ZNF346: variants seen among roughly 807,000 people sequenced by gnomAD.
ZNF346 encodes double-stranded RNA-binding zinc finger protein JAZ.
In ZNF346, 23 loss-of-function variants were observed where a neutral mutation model predicts 33.7. The ratio of observed to expected loss-of-function variants is 0.68; its 90% confidence interval spans 0.49 to 0.97. ZNF346 has a LOEUF of 0.97. ZNF346 is among the 50% of genes least tolerant of loss of function. The pLI is 0.00. For missense variants in ZNF346, 340 were observed against 371.1 expected (o/e 0.92, Z 0.69); for synonymous variants, 134 against 142.4 (o/e 0.94, Z 0.42).
In ZNF346 at chr5:177,022,724, G is replaced by A. The variant is rs1349236956; in HGVS notation, c.-15G>A. ...CGCCTGAGAGGCTCTCTACCGGTGA[G>A]GGTTTGCGGGGAAGATGGAGTATCC... On this transcript the variant is annotated 5_prime_UTR_variant, in exon 1 of 7. Coordinates refer to ENST00000358149, the MANE Select transcript of ZNF346 (RefSeq NM_012279.4). The A allele has an allele frequency of 5.2e-6, 8 of 1,543,690 alleles. No homozygotes were observed. The highest frequency in any genetic ancestry group is 5.1e-5 in the East Asian group (2 of 39,510).
chr5:177,044,897 T>G (rs763778107), intron 4 of ZNF346, among the ~76,000 whole-genome samples: 2 of 152,208 alleles, frequency 1.3e-5, no homozygotes, highest in Non-Finnish European at 2.9e-5. Flanking sequence ...TATTACTGCA[T>G]GTTCCAAGTT....
chr5:177,039,821 C>T (rs1437437268), intron 1 of ZNF346, among the ~76,000 whole-genome samples: 1 of 152,146 alleles, frequency 6.6e-6, no homozygotes, highest in East Asian at 1.9e-4. Flanking sequence ...AAATGTGGGC[C>T]TGCCCTCCTC....
At chr5:177,042,041 G>A in intron 3 of ZNF346, 171 bp downstream of exon 3, 1 of 513,474 alleles carries the variant, frequency 1.9e-6, no homozygotes, top group South Asian at 3.6e-5. Context: ...AAATGAGGAT[G>A]GTAATATCAA....
Position 177,022,774 on chromosome 5 carries a change from G to C in ZNF346, c.36G>C (p.Ala12=), listed in dbSNP as rs146045012. 3 of 1,554,896 alleles carry C rather than the reference G, an allele frequency of 1.9e-6. No individual in the cohort carries two copies. In the African/African-American group the frequency reaches 4.1e-5, roughly 21 times the overall value. ...EYPAPATVQA[A]DGGAAGPYSS... ...CCGCGCCGGCCACGGTGCAGGCCGC[G>C]GACGGCGGAGCGGCCGGGCCTTACA... is the stretch of plus-strand genomic sequence containing the variant. Residue 12 remains alanine, a synonymous_variant, in exon 1 of 7, where the codon GCG becomes GCC. Coordinates refer to ENST00000358149, the MANE Select transcript of ZNF346 (RefSeq NM_012279.4).
intron 4 of ZNF346, among the ~76,000 whole-genome samples, chr5:177,050,300 A>G (rs1780676378): frequency 6.6e-6 from 1 of 152,172 alleles, no homozygotes; most frequent in South Asian, 2.1e-4. Context: ...CAACTGTATT[A>G]CTTTAAGGAT....
At chr5:177,074,168 A>T (rs986154380) in intron 8 of ZNF346, among the ~76,000 whole-genome samples, 1 of 152,194 alleles carries the variant, frequency 6.6e-6, no homozygotes, top group African/African-American at 2.4e-5. Context: ...TAAGTTTGGG[A>T]ACAGTTTGTG....
chr5:177,031,998 C>CTTTTTTTTTTTTTTTT (rs34021834), intron 1 of ZNF346, among the ~76,000 whole-genome samples: 15 of 67,846 alleles, frequency 2.2e-4, no homozygotes, highest in Non-Finnish European at 3.3e-4. Context: ...TTTCTTTTTT[C>CTTTTTTTTTTTTTTTT]TTTTTTTTTT....
At chr5:177,049,400 T>G (rs1345398619) in intron 4 of ZNF346, among the ~76,000 whole-genome samples, 1 of 152,190 alleles carries the variant, frequency 6.6e-6, no homozygotes, top group Non-Finnish European at 1.5e-5. Context: ...GCCCCACATT[T>G]TTAAAGCAGT....
chr5:177,033,017 G>A (rs1777937351), intron 1 of ZNF346, among the ~76,000 whole-genome samples: 1 of 152,158 alleles, frequency 6.6e-6, no homozygotes. Flanking sequence ...ATACTACATT[G>A]TCTAACCATT....
rs1159198129 is a variant in ZNF346 at position 177,067,798 on chromosome 5, A to C, written c.*3199A>C. On this transcript the variant is annotated 3_prime_UTR_variant, in exon 7 of 7. Transcript: ENST00000358149. The stretch of plus-strand genomic sequence containing the variant: ...TCTGCATAACAACCTTTGAGCTAAG[A>C]GTTAATATTCCATATAGAGAAGGAG... Among the ~76,000 whole-genome samples, 1 of 152,126 alleles carries C rather than the reference A, an allele frequency of 6.6e-6. No homozygotes were observed. The highest frequency in any genetic ancestry group is 6.6e-5 in the Admixed American group (1 of 15,254).
intron 4 of ZNF346, among the ~76,000 whole-genome samples, chr5:177,050,321 C>T (rs1780680361): frequency 6.6e-6 from 1 of 152,210 alleles, no homozygotes; most frequent in South Asian, 2.1e-4. Flanking sequence ...GAGAATAAAA[C>T]TCCCAAACTT....
chr5:177,065,680 C>T lies in ZNF346; in HGVS notation c.*1081C>T, dbSNP rs1389111337. ...CTTTGCTGTGTTTTATGGCCTGGGA[C>T]TGAGTCCACACGGATAGATTTTTCC... On this transcript the variant is annotated 3_prime_UTR_variant, in exon 7 of 7. Transcript: ENST00000358149. 3 of 152,558 alleles carry T rather than the reference C, an allele frequency of 2.0e-5. No homozygotes were observed. The highest frequency in any genetic ancestry group is 2.0e-4 in the Admixed American group (3 of 15,262). The allele number at this position is 152,558 out of a possible 1,614,324, so 9.5% of individuals were successfully genotyped here.
At chr5:177,046,340 A>G (rs1780050501) in intron 4 of ZNF346, among the ~76,000 whole-genome samples, 1 of 151,214 alleles carries the variant, frequency 6.6e-6, no homozygotes, top group East Asian at 1.9e-4. Context: ...AAGGTCACAG[A>G]CTTCTCTTCC....
At chr5:177,076,865 A>T (rs923390626) in intron 8 of ZNF346, among the ~76,000 whole-genome samples, 4 of 151,980 alleles carry the variant, frequency 2.6e-5, no homozygotes, top group African/African-American at 9.7e-5. Flanking sequence ...ATATGGTGAA[A>T]CCCCGTCTCT....
At chr5:177,059,658 C>A (rs1468863062) in intron 5 of ZNF346, among the ~76,000 whole-genome samples, 1 of 152,216 alleles carries the variant, frequency 6.6e-6, no homozygotes, top group African/African-American at 2.4e-5. Context: ...TTATCTCCCA[C>A]TCAGTAGAGC....
chr5:177,042,185 C>T, intron 3 of ZNF346: 1 of 203,438 alleles, frequency 4.9e-6, no homozygotes, highest in Non-Finnish European at 9.8e-6. Context: ...TTTGTTAGAG[C>T]AAGACAAGAG....
intron 5 of ZNF346, among the ~76,000 whole-genome samples, chr5:177,057,473 A>G (rs538020011): frequency 3.8e-4 from 58 of 152,040 alleles, no homozygotes; most frequent in African/African-American, 1.4e-3. Context: ...GTGGTGGCTC[A>G]CACCTGTAAT....
Position 177,054,012 on chromosome 5 carries a change from A to T in ZNF346, c.703+3076A>T, listed in dbSNP as rs188645026. On this transcript the variant is annotated intron_variant, in intron 5 of 6. Coordinates refer to ENST00000358149, the MANE Select transcript of ZNF346 (RefSeq NM_012279.4). ...ACAGGGTAGAATGGGATAGCTTGAG[A>T]TTTCATCATGCTACTCAGAATAGCC... 2.1e-3 allele frequency among the ~76,000 whole-genome samples: 320 copies of T among 152,154 alleles called. 1 individual carries two copies. Among genetic ancestry groups the T allele is most frequent in the African/African-American group, 7.3e-3 (305 of 41,514 alleles).
In ZNF346 at chr5:177,035,493, T is replaced by C. The variant is rs907618680; in HGVS notation, c.176-5633T>C. Among the ~76,000 whole-genome samples, 44 of 151,732 alleles carry C rather than the reference T, an allele frequency of 2.9e-4. 1 individual carries two copies. The highest frequency in any genetic ancestry group is 1.3e-4 in the Admixed American group (2 of 15,180). On this transcript the variant is annotated intron_variant, in intron 1 of 6. Transcript: ENST00000358149. ...TTTTTTTTTTGAGACAGAGTTTTAC[T>C]CCTGTTGCCCAGGCTGGAGTGCAAT...
Sources: allele counts gnomAD v4.1 joint callset (sites outside exome capture counted in the v4.1 genomes callset), GRCh38; gene constraint gnomAD v4.1.1; transcripts MANE v1.5; gene names NCBI Gene and HGNC (gene_info 2026-07-23, HGNC 2026-07-21).